Variants in PHACTR4 observed in about 807,000 individuals in gnomAD.
PHACTR4 encodes the protein protein phosphatase 1, regulatory subunit 124.
A neutral mutation model predicts 72.7 loss-of-function variants in PHACTR4; 51 were observed. The observed-to-expected ratio is 0.70, with a 90% CI of 0.56 to 0.89. The LOEUF (loss-of-function observed/expected upper bound fraction) is 0.89. PHACTR4 is among the 40% of genes least tolerant of loss of function. The pLI is 0.00. For missense variants in PHACTR4, 731 were observed against 861.8 expected (o/e 0.85, Z 1.90); for synonymous variants, 255 against 302.5 (o/e 0.84, Z 1.63).
intron 2 of PHACTR4, among the ~76,000 whole-genome samples, chr1:28,419,552 C>T (rs1457291375): frequency 6.6e-6 from 1 of 151,910 alleles, no homozygotes; most frequent in Admixed American, 6.6e-5. Context: ...AAGCGATTCT[C>T]CTGCCTCAGC....
intron 13 of PHACTR4, among the ~76,000 whole-genome samples, chr1:28,496,050 CTTTTTTTTT>C (rs59019895): frequency 1.1e-5 from 1 of 88,762 alleles, no homozygotes; most frequent in Non-Finnish European, 2.1e-5. Flanking sequence ...GAGAAGAGTT[CTTTTTTTTT>C]TTTTTTTTTT....
intron 1 of PHACTR4, among the ~76,000 whole-genome samples, chr1:28,387,571 G>A (rs574558490): frequency 4.0e-5 from 6 of 151,882 alleles, no homozygotes; most frequent in Non-Finnish European, 8.8e-5. Flanking sequence ...CAGGATATCA[G>A]TGCACCTTTG....
At chr1:28,378,053 C>T (rs1396196659) in intron 1 of PHACTR4, among the ~76,000 whole-genome samples, 2 of 149,588 alleles carry the variant, frequency 1.3e-5, no homozygotes, top group Non-Finnish European at 3.0e-5. Flanking sequence ...AAAAATTATC[C>T]GGGCATGGTG....
intron 2 of PHACTR4, among the ~76,000 whole-genome samples, chr1:28,428,833 T>G (rs1379181537): frequency 6.6e-6 from 1 of 152,226 alleles, no homozygotes; most frequent in African/African-American, 2.4e-5. Flanking sequence ...ATTTTTCTTA[T>G]TTAATCCTCA....
At chr1:28,422,388 C>CG (rs778902018) in intron 2 of PHACTR4, among the ~76,000 whole-genome samples, 2 of 152,112 alleles carry the variant, frequency 1.3e-5, no homozygotes. Flanking sequence ...CTAGAGAAGA[C>CG]TAAGTATTAT....
At chr1:28,405,709 G>A (rs6680960) in intron 1 of PHACTR4, among the ~76,000 whole-genome samples, 44,177 of 151,236 alleles carry the variant, frequency 0.29, 6,701 homozygotes, top group African/African-American at 0.34. Context: ...TGGCCAACAT[G>A]GTGAAACTCT....
At chr1:28,388,727 G>A (rs1652772120) in intron 1 of PHACTR4, among the ~76,000 whole-genome samples, 1 of 152,154 alleles carries the variant, frequency 6.6e-6, no homozygotes, top group Non-Finnish European at 1.5e-5. Flanking sequence ...GTGTGCACCT[G>A]TAGTCCCAGC....
chr1:28,411,598 G>A (rs1012523575), intron 2 of PHACTR4, among the ~76,000 whole-genome samples: 3 of 152,172 alleles, frequency 2.0e-5, no homozygotes, highest in Non-Finnish European at 4.4e-5. Context: ...GATGTAAAAT[G>A]AGTTTGTTTC....
chr1:28,410,047 A>T (rs1443058991), intron 2 of PHACTR4, among the ~76,000 whole-genome samples: 1 of 106,702 alleles, frequency 9.4e-6, no homozygotes, highest in Non-Finnish European at 2.0e-5. Flanking sequence ...GCTCGCTGCA[A>T]TCTCCGCCTC....
chr1:28,445,277 CAG>C (rs1266203685), intron 2 of PHACTR4, among the ~76,000 whole-genome samples: 2 of 152,084 alleles, frequency 1.3e-5, no homozygotes, highest in Non-Finnish European at 2.9e-5. Context: ...TTTTTTAAGA[CAG>C]AGTCTCGCTA....
intron 1 of PHACTR4, among the ~76,000 whole-genome samples, chr1:28,394,957 A>T (rs1424673217): frequency 6.9e-6 from 1 of 145,460 alleles, no homozygotes; most frequent in East Asian, 2.0e-4. Flanking sequence ...CTTGTTGACC[A>T]GGCTGGAGTA....
chr1:28,432,213 A>G (rs564877039), intron 2 of PHACTR4, among the ~76,000 whole-genome samples: 1 of 152,176 alleles, frequency 6.6e-6, no homozygotes, highest in Non-Finnish European at 1.5e-5. Flanking sequence ...TGTATCAAAA[A>G]AAAAAGAATA....
intron 1 of PHACTR4, among the ~76,000 whole-genome samples, chr1:28,391,586 G>A (rs1653036783): frequency 7.0e-6 from 1 of 142,210 alleles, no homozygotes; most frequent in Admixed American, 7.1e-5. Context: ...AGTGACCTTA[G>A]TAAAAATATA....
At chr1:28,452,694 G>A (rs534760040) in intron 2 of PHACTR4, among the ~76,000 whole-genome samples, 2 of 152,138 alleles carry the variant, frequency 1.3e-5, no homozygotes, top group South Asian at 4.2e-4. Context: ...TACTCAGGAG[G>A]CTAAGGCAGA....
chr1:28,453,944 G>T, intron 2 of PHACTR4: 1 of 642,024 alleles, frequency 1.6e-6, no homozygotes, highest in Non-Finnish European at 2.8e-6. Flanking sequence ...GGCCAGGCAC[G>T]GTGGCACACG....
chr1:28,467,808 G>A (rs1659295021), intron 6 of PHACTR4, among the ~76,000 whole-genome samples: 1 of 152,106 alleles, frequency 6.6e-6, no homozygotes, highest in Non-Finnish European at 1.5e-5. Context: ...TATGGGTTTA[G>A]TAAATTTTTT....
intron 2 of PHACTR4, among the ~76,000 whole-genome samples, chr1:28,428,741 G>C (rs868510946): frequency 3.5e-4 from 54 of 152,116 alleles, no homozygotes; most frequent in African/African-American, 1.2e-3. Flanking sequence ...GGGAGGTGGG[G>C]TTCATTTATA....
At chr1:28,489,343 A>G in intron 10 of PHACTR4, 118 bp downstream of exon 10, 1 of 767,788 alleles carries the variant, frequency 1.3e-6, no homozygotes, top group Non-Finnish European at 2.1e-6. Flanking sequence ...TGTTCCAGCC[A>G]GGCAAGGACT....
intron 2 of PHACTR4, among the ~76,000 whole-genome samples, chr1:28,444,595 A>G (rs757772712): frequency 1.3e-5 from 2 of 149,566 alleles, no homozygotes; most frequent in East Asian, 1.9e-4. Flanking sequence ...TCCCATTTTT[A>G]TATTATTTAT....
Sources: allele counts gnomAD v4.1 joint callset (sites outside exome capture counted in the v4.1 genomes callset), GRCh38; gene constraint gnomAD v4.1.1; transcripts MANE v1.5; gene names NCBI Gene and HGNC (gene_info 2026-07-23, HGNC 2026-07-21).